TOX: variants seen among roughly 807,000 people sequenced by gnomAD.
The protein encoded by TOX is thymocyte selection-associated high mobility group box protein TOX.
TOX carries 11 observed loss-of-function variants against 53.7 expected under a neutral mutation model. That is an observed-to-expected ratio of 0.20 (90% confidence interval 0.13 to 0.34). The LOEUF is 0.34. TOX is among the 10% of genes least tolerant of loss of function. The pLI is 1.00. For synonymous variants in TOX, 225 were observed against 245.3 expected (o/e 0.92, Z 0.77); for missense variants, 570 against 664.6 (o/e 0.86, Z 1.56).
At chr8:58,901,878 A>C (rs1811738814) in intron 3 of TOX, among the ~76,000 whole-genome samples, 1 of 152,192 alleles carries the variant, frequency 6.6e-6, no homozygotes, top group South Asian at 2.1e-4. Flanking sequence ...CTTTACAAAA[A>C]GGTATAGGTA....
intron 3 of TOX, among the ~76,000 whole-genome samples, chr8:58,894,146 G>A (rs1811602745): frequency 6.6e-6 from 1 of 152,156 alleles, no homozygotes. Context: ...TAGTGCAAGG[G>A]CCTTAATTCA....
intron 3 of TOX, among the ~76,000 whole-genome samples, chr8:58,868,059 G>A (rs1811132732): frequency 6.6e-6 from 1 of 152,174 alleles, no homozygotes; most frequent in African/African-American, 2.4e-5. Context: ...GGATATAATT[G>A]AATCATGCAG....
chr8:58,904,545 C>G (rs12114296), intron 3 of TOX, among the ~76,000 whole-genome samples: 5 of 152,120 alleles, frequency 3.3e-5, no homozygotes, highest in African/African-American at 1.2e-4. Flanking sequence ...GTTCTATTGA[C>G]CCAACATGAC....
At chr8:58,807,932 A>C (rs1810008253) in intron 8 of TOX, 149 bp from the exon 9 acceptor site, 3 of 1,256,080 alleles carry the variant, frequency 2.4e-6, no homozygotes, top group Admixed American at 2.1e-5. Flanking sequence ...TGAAGTGAGA[A>C]GTGAGCTAAA....
chr8:58,939,181 C>A, intron 3 of TOX, 121 bp downstream of exon 3: 1 of 1,262,046 alleles, frequency 7.9e-7, no homozygotes, highest in Non-Finnish European at 1.1e-6. Flanking sequence ...AAATAACTGT[C>A]TCCACAGCTA....
At chr8:58,903,205 G>T (rs1811758146) in intron 3 of TOX, among the ~76,000 whole-genome samples, 1 of 152,150 alleles carries the variant, frequency 6.6e-6, no homozygotes, top group Non-Finnish European at 1.5e-5. Context: ...GTAAGAACTG[G>T]TGGTGTTGAA....
chr8:59,016,958 C>A (rs1176221680), intron 1 of TOX, among the ~76,000 whole-genome samples: 2 of 152,204 alleles, frequency 1.3e-5, no homozygotes, highest in African/African-American at 4.8e-5. Context: ...TTATCTATCA[C>A]CTCCTCTAGC....
chr8:58,830,094 C>T (rs886594085), intron 5 of TOX, among the ~76,000 whole-genome samples: 11 of 152,132 alleles, frequency 7.2e-5, no homozygotes, highest in African/African-American at 2.7e-4. Flanking sequence ...GTGATTCATA[C>T]AGTAAATATT....
chr8:58,877,146 G>C (rs1175068634), intron 3 of TOX, among the ~76,000 whole-genome samples: 1 of 152,096 alleles, frequency 6.6e-6, no homozygotes, highest in Non-Finnish European at 1.5e-5. Flanking sequence ...ACCAATGCTA[G>C]AACCAAATTT....
chr8:58,939,338 G>A lies in TOX; in HGVS notation c.375C>T (p.Gly125=). Residue 125 remains glycine (G), a synonymous_variant, in exon 3 of 9, where the codon GGC becomes GGT. Coordinates refer to ENST00000361421, the MANE Select transcript of TOX (RefSeq NM_014729.3). ...LPEITVSNML[G]QDGTLLSNSI... ...AATTAGAAAGCAGTGTTCCATCCTG[G>A]CCCAGCATATTGGAGACTGTGATTT... is the stretch of plus-strand genomic sequence containing the variant. The A allele has an allele frequency of 1.2e-6, 2 of 1,614,052 alleles. No individual in the cohort carries two copies. The highest frequency in any genetic ancestry group is 1.7e-6 in the Non-Finnish European group (2 of 1,180,010).
chr8:58,924,305 T>C (rs1023544072), intron 3 of TOX, among the ~76,000 whole-genome samples: 1 of 152,230 alleles, frequency 6.6e-6, no homozygotes, highest in Non-Finnish European at 1.5e-5. Flanking sequence ...GTACAGTATA[T>C]ACAGAGTTGT....
At chr8:58,976,443 G>A (rs1002488413) in intron 1 of TOX, among the ~76,000 whole-genome samples, 2 of 152,146 alleles carry the variant, frequency 1.3e-5, no homozygotes, top group African/African-American at 4.8e-5. Context: ...CACATCTACA[G>A]TTGCTGCTTC....
chr8:58,951,720 T>A (rs1312783718), intron 2 of TOX, among the ~76,000 whole-genome samples: 1 of 152,208 alleles, frequency 6.6e-6, no homozygotes, highest in Non-Finnish European at 1.5e-5. Context: ...TTACTGGTCT[T>A]AAATCATGAC....
chr8:59,105,110 C>T (rs546058923), intron 1 of TOX, among the ~76,000 whole-genome samples: 1 of 152,266 alleles, frequency 6.6e-6, no homozygotes, highest in East Asian at 1.9e-4. Context: ...CAAGCGCATT[C>T]CAAATTTTTT....
At chr8:58,848,388 A>G (rs1810753695) in intron 4 of TOX, among the ~76,000 whole-genome samples, 1 of 152,138 alleles carries the variant, frequency 6.6e-6, no homozygotes, top group African/African-American at 2.4e-5. Flanking sequence ...CTATTTTCAT[A>G]TTTATAGTAA....
chr8:58,961,841 C>T (rs1015666119), intron 1 of TOX, among the ~76,000 whole-genome samples: 2 of 152,154 alleles, frequency 1.3e-5, no homozygotes, highest in Admixed American at 6.5e-5. Flanking sequence ...AAAGATAGGC[C>T]AGCCCCAACC....
chr8:58,944,017 C>T (rs932796765), intron 2 of TOX, among the ~76,000 whole-genome samples: 1 of 152,216 alleles, frequency 6.6e-6, no homozygotes, highest in Non-Finnish European at 1.5e-5. Context: ...AAACCAGAGG[C>T]AGTCTAAATG....
At chr8:58,842,577 T>C (rs1416686733) in intron 4 of TOX, among the ~76,000 whole-genome samples, 1 of 152,224 alleles carries the variant, frequency 6.6e-6, no homozygotes, top group Non-Finnish European at 1.5e-5. Context: ...CTGATCATCA[T>C]GCTTATCTCC....
chr8:59,099,701 A>G lies in TOX; in HGVS notation c.102+19185T>C, dbSNP rs76591944. ...CACATAAGGTGATTATATTTTAACT[A>G]TGTCCTATTATTTATATTTCAAATG... is the stretch of plus-strand genomic sequence containing the variant. On this transcript the variant is annotated intron_variant, in intron 1 of 8. Coordinates refer to ENST00000361421, the MANE Select transcript of TOX (RefSeq NM_014729.3). Among the ~76,000 whole-genome samples, 2,123 of 152,316 alleles carry G rather than the reference A, an allele frequency of 0.014. 186 individuals are homozygous for G. In the East Asian group the frequency reaches 0.24, roughly 17 times the overall value.
Sources: allele counts gnomAD v4.1 joint callset (sites outside exome capture counted in the v4.1 genomes callset), GRCh38; gene constraint gnomAD v4.1.1; transcripts MANE v1.5; gene names NCBI Gene and HGNC (gene_info 2026-07-23, HGNC 2026-07-21).